SPOPL: variants seen among roughly 807,000 people sequenced by gnomAD.
SPOPL encodes the protein speckle-type POZ protein-like.
In SPOPL, 23 loss-of-function variants were observed where a neutral mutation model predicts 53.8. That is an observed-to-expected ratio of 0.43 (90% CI 0.31 to 0.61). The LOEUF is 0.61. Among genes scored for constraint, SPOPL ranks in the 20% least tolerant of loss-of-function variants. SPOPL has a pLI of 0.12. For synonymous variants in SPOPL, 164 were observed against 149.7 expected, an observed-to-expected ratio of 1.10 and a Z score of -0.70; for missense variants, 442 against 466.9, an observed-to-expected ratio of 0.95 and a Z score of 0.49.
intron 7 of SPOPL, among the ~76,000 whole-genome samples, chr2:138,560,154 CTT>C (rs879730809): frequency 6.6e-6 from 1 of 152,158 alleles, no homozygotes; most frequent in Non-Finnish European, 1.5e-5. Context: ...AAAAAGCACT[CTT>C]TGGACTTGAC....
chr2:138,538,714 G>T (rs899904246), intron 1 of SPOPL, among the ~76,000 whole-genome samples: 1 of 151,206 alleles, frequency 6.6e-6, no homozygotes, highest in South Asian at 2.1e-4. Context: ...AGCAATGTCA[G>T]CCAGCTTAGG....
rs117483276 is a variant in SPOPL at position 138,523,992 on chromosome 2, G to T, written c.-61+21873G>T. 3.3e-5 allele frequency among the ~76,000 whole-genome samples: 5 copies of T among 152,246 alleles called. No homozygotes were observed. The East Asian group carries it at 9.7e-4, about 29-fold the overall frequency. On this transcript the variant is annotated intron_variant, in intron 1 of 10. Coordinates refer to ENST00000280098, the MANE Select transcript of SPOPL (RefSeq NM_001001664.3). ...GGTGACCCAGTAGGATTCTGTTGGGGGAGGGCTCTGACCCCACATTTTCCT... is the reference window on the plus strand; with the variant it reads ...GGTGACCCAGTAGGATTCTGTTGGGTGAGGGCTCTGACCCCACATTTTCCT...
In SPOPL at chr2:138,550,187, T is replaced by G; in HGVS notation, c.-30T>G. ...GTACTCAACTGTGTGGGGTACTACA[T>G]AAATCCTGAAAGACTACAATAAAGT... On this transcript the variant is annotated 5_prime_UTR_variant, in exon 2 of 11. It removes the in-frame stop codon of an upstream open reading frame in the 5' UTR. Coordinates refer to ENST00000280098, the MANE Select transcript of SPOPL (RefSeq NM_001001664.3). The G allele has an allele frequency of 2.5e-6, 4 of 1,608,268 alleles. No homozygotes were observed. Among genetic ancestry groups the G allele is most frequent in the Non-Finnish European group, 3.4e-6 (4 of 1,175,442 alleles).
chr2:138,548,885 T>G (rs1685253167), intron 1 of SPOPL, among the ~76,000 whole-genome samples: 1 of 152,160 alleles, frequency 6.6e-6, no homozygotes. Flanking sequence ...TTTATTTAAT[T>G]AACTATGAAT....
chr2:138,548,937 T>C (rs371299910), intron 1 of SPOPL, among the ~76,000 whole-genome samples: 1 of 152,290 alleles, frequency 6.6e-6, no homozygotes, highest in East Asian at 1.9e-4. Context: ...TGCTCCTGTT[T>C]CTACTCCCAA....
chr2:138,536,676 C>T (rs530038005), intron 1 of SPOPL, among the ~76,000 whole-genome samples: 2 of 152,220 alleles, frequency 1.3e-5, no homozygotes, highest in East Asian at 3.9e-4. Context: ...AATCAGCTGT[C>T]CTGTAGTTTA....
rs768992300 is a variant in SPOPL, at chr2:138,559,373, T to G, written c.714+36T>G. ...CTTAAAGGCTAATATTGAATTTATA[T>G]AAACGTAAAGTAGTTGGGTGTATGT... is the stretch of plus-strand genomic sequence containing the variant. On this transcript the variant is annotated intron_variant, in intron 7 of 10. Coordinates refer to ENST00000280098, the MANE Select transcript of SPOPL (RefSeq NM_001001664.3). The G allele has an allele frequency of 2.5e-6, 4 of 1,570,254 alleles. No individual in the cohort carries two copies. In the Admixed American group the frequency reaches 7.4e-5, roughly 29 times the overall value.
chr2:138,526,703 C>T (rs929000987), intron 1 of SPOPL, among the ~76,000 whole-genome samples: 14 of 150,742 alleles, frequency 9.3e-5, no homozygotes, highest in Non-Finnish European at 2.1e-4. Flanking sequence ...TTTATTTGGT[C>T]CTCATTCTTA....
In SPOPL at chr2:138,564,213, A is replaced by T. The variant is rs749576589; in HGVS notation, c.838-495A>T. Among the ~76,000 whole-genome samples, 7 of 152,354 alleles carry T rather than the reference A, an allele frequency of 4.6e-5. No homozygotes were observed. The South Asian group carries it at 6.2e-4, about 14-fold the overall frequency. ...GGCTGTATAAACTTAGCAGAAGGTG[A>T]ACCTTATGTGTACTTTATTGTGTGT... On this transcript the variant is annotated intron_variant, in intron 8 of 10. Transcript: ENST00000280098.
rs771769300 is a variant in SPOPL at position 138,568,985 on chromosome 2, T to C, written c.1084T>C (p.Ser362Pro). 3 of 1,614,046 alleles carry C rather than the reference T, an allele frequency of 1.9e-6. No individual in the cohort carries two copies. Among genetic ancestry groups the C allele is most frequent in the Non-Finnish European group, 2.5e-6 (3 of 1,179,922 alleles). ...ETSGWKSMIQ[S>P]HPHLVAEAFR... Reference sequence around the variant, plus strand: ...ATCAGGGTGGAAGTCCATGATTCAGTCTCACCCTCATTTAGTAGCAGAAGC... The same window carrying C: ...ATCAGGGTGGAAGTCCATGATTCAGCCTCACCCTCATTTAGTAGCAGAAGC... The change falls in exon 11 of 11, where the codon TCT becomes CCT. Residue 362 changes from serine (S) to proline (P), a missense_variant. Ser to Pro is a moderately conservative substitution (Grantham distance 74). Transcript: ENST00000280098.
At chr2:138,568,601 T>C (rs1303913966) in intron 10 of SPOPL, among the ~76,000 whole-genome samples, 2 of 152,016 alleles carry the variant, frequency 1.3e-5, no homozygotes, top group Non-Finnish European at 2.9e-5. Context: ...TATTTGTAAC[T>C]CAAGAGAAAA....
At chr2:138,518,046 CAAAAAAAA>C (rs61662616) in intron 1 of SPOPL, among the ~76,000 whole-genome samples, 1 of 67,804 alleles carries the variant, frequency 1.5e-5, no homozygotes, top group Non-Finnish European at 3.2e-5. Context: ...GAAACTGTCT[CAAAAAAAA>C]AAAAAAAAAA....
At chr2:138,545,587 T>C (rs1011059041) in intron 1 of SPOPL, among the ~76,000 whole-genome samples, 10 of 113,930 alleles carry the variant, frequency 8.8e-5, no homozygotes, top group Non-Finnish European at 1.9e-4. Flanking sequence ...GCGCCTGCCA[T>C]CACACCCGGC....
Position 138,569,171 on chromosome 2 carries a change from T to G in SPOPL, c.*91T>G, listed in dbSNP as rs1447106533. On this transcript the variant is annotated 3_prime_UTR_variant, in exon 11 of 11. Coordinates refer to ENST00000280098, the MANE Select transcript of SPOPL (RefSeq NM_001001664.3). ...TACACAAACCATAAGCAAGAGTTGT[T>G]TCTGTTATTTTGTCCACAGAACAGA... The G allele has an allele frequency of 3.4e-5, 48 of 1,406,522 alleles. No homozygotes were observed. The East Asian group carries it at 1.1e-3, about 33-fold the overall frequency. The allele number at this position is 1,406,522 out of a possible 1,614,324, so 87.1% of individuals were successfully genotyped here.
At chr2:138,567,977 G>T (rs549925227) in intron 10 of SPOPL, among the ~76,000 whole-genome samples, 10 of 152,266 alleles carry the variant, frequency 6.6e-5, no homozygotes, top group African/African-American at 2.2e-4. Context: ...CCAGATCATG[G>T]AAGTGGGAGG....
At chr2:138,509,497 T>G (rs1295783519) in intron 1 of SPOPL, among the ~76,000 whole-genome samples, 1 of 152,216 alleles carries the variant, frequency 6.6e-6, no homozygotes, top group African/African-American at 2.4e-5. Flanking sequence ...GTTTCCTGTT[T>G]GGGTATGTTT....
intron 5 of SPOPL, among the ~76,000 whole-genome samples, chr2:138,553,207 T>A (rs979187178): frequency 6.6e-6 from 1 of 152,114 alleles, no homozygotes; most frequent in East Asian, 1.9e-4. Flanking sequence ...GACAAACTTA[T>A]AAGGTGTAAT....
intron 1 of SPOPL, among the ~76,000 whole-genome samples, chr2:138,521,284 T>C (rs1684550632): frequency 6.6e-6 from 1 of 151,938 alleles, no homozygotes; most frequent in Non-Finnish European, 1.5e-5. Flanking sequence ...AGAAGCTCAG[T>C]GATGTGCCAA....
chr2:138,550,460 A>G (rs1193018859), intron 2 of SPOPL, 23 bp from the exon 3 acceptor site: 2 of 1,598,022 alleles, frequency 1.3e-6, no homozygotes, highest in South Asian at 1.1e-5. Flanking sequence ...ATCATTATAA[A>G]AGTGGTTTTC....
Sources: gnomAD v4.1 joint callset for allele counts (sites outside exome capture counted in the v4.1 genomes callset) on GRCh38, gnomAD v4.1.1 for gene constraint, MANE v1.5 for transcripts, NCBI Gene and HGNC (gene_info 2026-07-23, HGNC 2026-07-21) for gene names.